The following ARHGAP39 variants were observed in gnomAD, a reference collection of about 807,000 sequenced individuals.
ARHGAP39 encodes the protein rho GTPase-activating protein 39.
In ARHGAP39, 44 loss-of-function variants were observed where a neutral mutation model predicts 106.9. The ratio of observed to expected loss-of-function variants is 0.41; its 90% confidence interval spans 0.32 to 0.53. The LOEUF is 0.53. ARHGAP39 is among the 20% of genes least tolerant of loss of function. ARHGAP39 has a pLI of 0.21. For missense variants in ARHGAP39, 1,496 were observed against 1,577.3 expected, an observed-to-expected ratio of 0.95 and a Z score of 0.87; for synonymous variants, 768 against 693.2, an observed-to-expected ratio of 1.11 and a Z score of -1.69.
chr8:144,640,740 C>T (rs906706037), intron 1 of ARHGAP39, among the ~76,000 whole-genome samples: 5 of 152,178 alleles, frequency 3.3e-5, no homozygotes, highest in African/African-American at 1.2e-4. Context: ...GATAAGCATC[C>T]CATAAAACAT....
rs1170253839 is a variant in ARHGAP39 at position 144,679,341 on chromosome 8, C to A, written c.-82+6345G>T. ...GGTCCGTGGACCCTGAGATGCCAGTCCAGGATGGTGCCGGAAAAGACACTA... is the reference window on the plus strand; with the variant it reads ...GGTCCGTGGACCCTGAGATGCCAGTACAGGATGGTGCCGGAAAAGACACTA... On this transcript the variant is annotated intron_variant, in intron 1 of 11. Coordinates refer to ENST00000377307, the MANE Select transcript of ARHGAP39 (RefSeq NM_025251.3). The surrounding 1 kb of genome is among the most constrained non-coding windows in gnomAD (Gnocchi z 4.7). Among the ~76,000 whole-genome samples, 1 of 152,214 alleles carries A rather than the reference C, an allele frequency of 6.6e-6. No homozygotes were observed. The highest frequency in any genetic ancestry group is 1.5e-5 in the Non-Finnish European group (1 of 68,032).
In ARHGAP39 at chr8:144,545,570, T is replaced by C; in HGVS notation, c.2200A>G (p.Thr734Ala). ...SESIKKPMIVTSDRHVKKEAC... is the reference protein window; with the variant it reads ...SESIKKPMIVASDRHVKKEAC... ...TCCTTCTTCACGTGCCGGTCGCTTG[T>C]CACGATCATGGGCTTCTTGATGGAC... The change falls in exon 6 of 12, where the codon ACA (threonine) becomes GCA (alanine). Residue 734 changes from threonine to alanine, a missense_variant. Thr to Ala is a moderately conservative substitution (Grantham distance 58, BLOSUM62 0). Coordinates refer to ENST00000377307, the MANE Select transcript of ARHGAP39 (RefSeq NM_025251.3). The C allele has an allele frequency of 1.2e-6, 2 of 1,613,764 alleles. No individual in the cohort carries two copies. Among genetic ancestry groups the C allele is most frequent in the Non-Finnish European group, 1.7e-6 (2 of 1,180,014 alleles).
At chr8:144,592,754 T>A (rs1473277174) in intron 2 of ARHGAP39, among the ~76,000 whole-genome samples, 1 of 152,132 alleles carries the variant, frequency 6.6e-6, no homozygotes, top group Non-Finnish European at 1.5e-5. Flanking sequence ...GAGCTGCTGC[T>A]CAGAGAAAGG....
chr8:144,633,774 C>T (rs1322228685), intron 1 of ARHGAP39, among the ~76,000 whole-genome samples: 1 of 152,204 alleles, frequency 6.6e-6, no homozygotes, highest in Non-Finnish European at 1.5e-5. Context: ...GCCTCCACCT[C>T]CAGGGCTCAC....
chr8:144,555,712 G>C lies in ARHGAP39; in HGVS notation c.513-69C>G, dbSNP rs1817892148. The C allele has an allele frequency of 2.2e-6, 3 of 1,389,592 alleles. No homozygotes were observed. In the Admixed American group the frequency reaches 5.0e-5, roughly 23 times the overall value. The allele number at this position is 1,389,592 out of a possible 1,614,324, so 86.1% of individuals were successfully genotyped here. ...CGTTTACCATAACCAGCCACTCCCTGACTTAAGAATGTGGCACTGCCACCT... is the reference window on the plus strand; with the variant it reads ...CGTTTACCATAACCAGCCACTCCCTCACTTAAGAATGTGGCACTGCCACCT... On this transcript the variant is annotated intron_variant, in intron 3 of 11. Transcript: ENST00000377307.
In ARHGAP39 at chr8:144,529,496, TCGCTCG is replaced by T. The variant is rs1211635236; in HGVS notation, c.*920_*925del. On this transcript the variant is annotated 3_prime_UTR_variant, in exon 12 of 12. Coordinates refer to ENST00000377307, the MANE Select transcript of ARHGAP39 (RefSeq NM_025251.3). Reference sequence around the variant, plus strand: ...AGTCCCGGGCCCGGCGCCTTCCCGCTCGCTCGTCTCCTGCAGGTCTGGGATGGGGAT... The same window carrying T: ...AGTCCCGGGCCCGGCGCCTTCCCGCTTCTCCTGCAGGTCTGGGATGGGGAT... 2 of 151,830 alleles carry T rather than the reference TCGCTCG, an allele frequency of 1.3e-5. No homozygotes were observed. The highest frequency in any genetic ancestry group is 2.9e-5 in the Non-Finnish European group (2 of 67,950). 9.4% of individuals were successfully genotyped at this position (151,830 alleles called of 1,614,324 possible). A position where few individuals can be genotyped will look rare whatever the true frequency, so the allele number is the denominator to read the frequency against.
intron 3 of ARHGAP39, among the ~76,000 whole-genome samples, chr8:144,576,332 C>CAAAAA (rs67038997): frequency 2.5e-4 from 16 of 63,770 alleles, no homozygotes; most frequent in African/African-American, 3.5e-4. Flanking sequence ...GACTCCGTCT[C>CAAAAA]AAAAAAAAAA....
chr8:144,581,142 C>T lies in ARHGAP39; in HGVS notation c.216G>A (p.Leu72=). The T allele has an allele frequency of 6.3e-7, 1 of 1,582,124 alleles. No individual in the cohort carries two copies. Among genetic ancestry groups the T allele is most frequent in the Non-Finnish European group, 8.6e-7 (1 of 1,164,934 alleles). ...AGAAGCGGGACGTGTTGGGGTCGAA[C>T]AGCTCCCACCACTGGTTCTCGCTGG... ...KRTSENQWWE[L]FDPNTSRFYY... The change falls in exon 3 of 12, where the codon CTG becomes CTA. Residue 72 remains leucine (L), a synonymous_variant. Coordinates refer to ENST00000377307, the MANE Select transcript of ARHGAP39 (RefSeq NM_025251.3).
intron 3 of ARHGAP39, among the ~76,000 whole-genome samples, chr8:144,579,572 G>C (rs1020096858): frequency 6.6e-6 from 1 of 152,098 alleles, no homozygotes; most frequent in Non-Finnish European, 1.5e-5. Context: ...CTCTGCAGCA[G>C]GCCCCATCCC....
intron 3 of ARHGAP39, among the ~76,000 whole-genome samples, chr8:144,559,895 T>C (rs1348414964): frequency 6.6e-6 from 1 of 152,264 alleles, no homozygotes; most frequent in African/African-American, 2.4e-5. Flanking sequence ...TGTGTTTTAA[T>C]GGCAACCTAT....
intron 2 of ARHGAP39, among the ~76,000 whole-genome samples, chr8:144,582,988 A>C (rs1819051108): frequency 6.6e-6 from 1 of 152,020 alleles, no homozygotes; most frequent in Admixed American, 6.6e-5. Context: ...CAGGCCCCAG[A>C]CTCTGAACTT....
intron 1 of ARHGAP39, among the ~76,000 whole-genome samples, chr8:144,608,595 TTC>T (rs1471638426): frequency 1.3e-5 from 2 of 152,228 alleles, no homozygotes; most frequent in African/African-American, 4.8e-5. Context: ...TCCTTTGCAT[TTC>T]TATATGAATT....
At chr8:144,616,658 G>T (rs1367247248) in intron 1 of ARHGAP39, among the ~76,000 whole-genome samples, 2 of 152,234 alleles carry the variant, frequency 1.3e-5, no homozygotes, top group East Asian at 1.9e-4. Flanking sequence ...GGGCAGGGGG[G>T]GCCCAAGGGC....
chr8:144,545,153 G>A, intron 6 of ARHGAP39, 96 bp downstream of exon 6: 1 of 1,198,210 alleles, frequency 8.3e-7, no homozygotes, highest in Non-Finnish European at 1.1e-6. Context: ...CTGTGTGGAG[G>A]GCCGCCAGGG....
chr8:144,688,891 A>T (rs1250913020), upstream of ARHGAP39, among the ~76,000 whole-genome samples: 1 of 152,222 alleles, frequency 6.6e-6, no homozygotes, highest in South Asian at 2.1e-4. Context: ...TATTTTAAAA[A>T]TTGCACAAAA....
At chr8:144,678,722 G>C (rs907664179) in intron 1 of ARHGAP39, among the ~76,000 whole-genome samples, 5 of 152,196 alleles carry the variant, frequency 3.3e-5, no homozygotes, top group Non-Finnish European at 5.9e-5. Context: ...ACAAATCCTT[G>C]GCCATCCCCT....
chr8:144,605,707 G>C lies in ARHGAP39; in HGVS notation c.-81-12C>G. The C allele has an allele frequency of 7.9e-7, 1 of 1,272,632 alleles. No homozygotes were observed. Among genetic ancestry groups the C allele is most frequent in the Non-Finnish European group, 1.1e-6 (1 of 887,254 alleles). 78.8% of individuals were successfully genotyped at this position (1,272,632 alleles called of 1,614,324 possible). On this transcript the variant is annotated splice_polypyrimidine_tract_variant and intron_variant, in intron 1 of 11. Transcript: ENST00000377307. ...GGGAAGGTGCCGCACTGCAAGAGGG[G>C]AGAAGCAACAGTGCTGATATGGAAG...
chr8:144,590,846 C>T (rs1335254289), intron 2 of ARHGAP39, among the ~76,000 whole-genome samples: 1 of 152,048 alleles, frequency 6.6e-6, no homozygotes, highest in East Asian at 1.9e-4. Context: ...CTCCTGGTCC[C>T]TGGCCATGAG....
At chr8:144,598,654 G>A (rs989729628) in intron 2 of ARHGAP39, among the ~76,000 whole-genome samples, 2 of 152,320 alleles carry the variant, frequency 1.3e-5, no homozygotes, top group African/African-American at 2.4e-5. Context: ...GAACCAAGGC[G>A]GATCTGAGAC....
Sources: allele counts gnomAD v4.1 joint callset (sites outside exome capture counted in the v4.1 genomes callset), GRCh38; gene constraint gnomAD v4.1.1; non-coding constraint Gnocchi (gnomAD v3.1); transcripts MANE v1.5; gene names NCBI Gene and HGNC (gene_info 2026-07-23, HGNC 2026-07-21).